Variants in MACROD2 observed in about 807,000 individuals in gnomAD.
The protein encoded by MACROD2 is ADP-ribose glycohydrolase MACROD2.
A neutral mutation model predicts 70.4 loss-of-function variants in MACROD2; 36 were observed. That is an observed-to-expected ratio of 0.51 (90% CI 0.39 to 0.68). MACROD2 has a LOEUF of 0.68. Among genes scored for constraint, MACROD2 ranks in the 30% least tolerant of loss-of-function variants. The probability of loss-of-function intolerance (pLI) is 0.00; values close to 1 mark genes in which losing one functional copy is unlikely to be tolerated. For missense variants in MACROD2, 496 were observed against 538.4 expected (o/e 0.92, Z 0.78); for synonymous variants, 172 against 178.8 (o/e 0.96, Z 0.30).
intron 8 of MACROD2, among the ~76,000 whole-genome samples, chr20:15,585,175 G>A (rs768019355): frequency 2.6e-5 from 4 of 151,666 alleles, no homozygotes; most frequent in African/African-American, 4.8e-5. Flanking sequence ...CTGTGCTGGA[G>A]GGTTCTTTTT....
At chr20:14,307,012 A>AACACACACACAC (rs3044626) in intron 3 of MACROD2, among the ~76,000 whole-genome samples, 21 of 148,308 alleles carry the variant, frequency 1.4e-4, no homozygotes, top group South Asian at 4.4e-4. Context: ...ACTAAATGTA[A>AACACACACACAC]ACACACACAC....
At position 15,416,773 on chromosome 20, in the gene MACROD2, G is replaced by A. The variant is rs1201645563; in HGVS notation, c.541-14632G>A. 2.6e-5 allele frequency among the ~76,000 whole-genome samples: 4 copies of A among 151,922 alleles called. No homozygotes were observed. In the East Asian group the frequency reaches 7.7e-4, roughly 29 times the overall value. The stretch of plus-strand genomic sequence containing the variant: ...CAAAAAATTAGCGGGGCGGTGGGGG[G>A]GCGCCGGTAGTCCCAGCTACTCGGG... On this transcript the variant is annotated intron_variant, in intron 6 of 17. Coordinates refer to ENST00000684519, the MANE Select transcript of MACROD2 (RefSeq NM_001351661.2).
intron 2 of MACROD2, among the ~76,000 whole-genome samples, chr20:14,030,706 T>A (rs2053235866): frequency 6.6e-6 from 1 of 152,120 alleles, no homozygotes; most frequent in African/African-American, 2.4e-5. Flanking sequence ...CAGAATTTTA[T>A]TTTTAATCAA....
In MACROD2 at chr20:14,065,634, C is replaced by A. The variant is rs554216734; in HGVS notation, c.164-19987C>A. Among the ~76,000 whole-genome samples the A allele has an allele frequency of 1.7e-4, 26 of 152,226 alleles. 1 individual carries two copies. The South Asian group carries it at 5.0e-3, about 29-fold the overall frequency. On this transcript the variant is annotated intron_variant, in intron 2 of 17. Transcript: ENST00000684519. ...CTCACATGCTTTACTATGTTTTAAT[C>A]CATTTAATTCTCACAACAATGCTGT...
chr20:14,125,803 A>G (rs2054641768), intron 3 of MACROD2, among the ~76,000 whole-genome samples: 1 of 152,182 alleles, frequency 6.6e-6, no homozygotes. Context: ...GGTAAAGATC[A>G]TGTTTCATTT....
chr20:15,823,057 A>G (rs1384359790), intron 8 of MACROD2, among the ~76,000 whole-genome samples: 1 of 152,258 alleles, frequency 6.6e-6, no homozygotes, highest in Non-Finnish European at 1.5e-5. Flanking sequence ...ACAGACAATC[A>G]TTCCTCTTCT....
intron 8 of MACROD2, among the ~76,000 whole-genome samples, chr20:15,608,005 G>A (rs1286316934): frequency 1.3e-5 from 2 of 152,170 alleles, no homozygotes; most frequent in African/African-American, 4.8e-5. Flanking sequence ...ACTTAGCCAT[G>A]GCTTAACCCA....
chr20:15,367,215 A>G (rs2045423281), intron 6 of MACROD2, among the ~76,000 whole-genome samples: 1 of 151,780 alleles, frequency 6.6e-6, no homozygotes, highest in Admixed American at 6.6e-5. Flanking sequence ...TTTAGTAGAG[A>G]CAGGGTTTCA....
At chr20:15,620,283 G>C (rs552392664) in intron 8 of MACROD2, among the ~76,000 whole-genome samples, 5 of 152,160 alleles carry the variant, frequency 3.3e-5, no homozygotes, top group Non-Finnish European at 7.4e-5. Context: ...TCCTGAATGT[G>C]TTTGTGTTGG....
At chr20:14,476,655 C>T (rs1169723741) in intron 3 of MACROD2, among the ~76,000 whole-genome samples, 1 of 152,302 alleles carries the variant, frequency 6.6e-6, no homozygotes, top group African/African-American at 2.4e-5. Context: ...CCATGCCCGG[C>T]GTATTACCTT....
chr20:14,757,501 C>T (rs2071956744), intron 5 of MACROD2: 1 of 570,426 alleles, frequency 1.8e-6, no homozygotes, highest in Non-Finnish European at 3.2e-6. Flanking sequence ...AAAATAGATC[C>T]CATATGTCTC....
intron 8 of MACROD2, among the ~76,000 whole-genome samples, chr20:15,843,945 C>G (rs2064201779): frequency 6.6e-6 from 1 of 151,954 alleles, no homozygotes; most frequent in African/African-American, 2.4e-5. Context: ...GAAGCATCCT[C>G]TTTCACAATC....
intron 6 of MACROD2, among the ~76,000 whole-genome samples, chr20:15,402,127 C>T (rs922014482): frequency 3.3e-5 from 5 of 152,040 alleles, no homozygotes; most frequent in African/African-American, 4.8e-5. Flanking sequence ...AGTTCAGATT[C>T]GCAGCAGTAG....
At chr20:16,029,350 G>A (rs2067121961) in intron 15 of MACROD2, among the ~76,000 whole-genome samples, 1 of 152,190 alleles carries the variant, frequency 6.6e-6, no homozygotes, top group Non-Finnish European at 1.5e-5. Flanking sequence ...CAAAGGCCAG[G>A]TGCATGTGAC....
intron 8 of MACROD2, among the ~76,000 whole-genome samples, chr20:15,666,937 T>C (rs1473752901): frequency 1.3e-5 from 2 of 152,228 alleles, no homozygotes; most frequent in African/African-American, 4.8e-5. Flanking sequence ...AATAGTGCAG[T>C]GAACAGATAT....
At chr20:14,963,762 T>G (rs1477323387) in intron 5 of MACROD2, among the ~76,000 whole-genome samples, 1 of 152,186 alleles carries the variant, frequency 6.6e-6, no homozygotes, top group Non-Finnish European at 1.5e-5. Context: ...TTCATGTAGA[T>G]TCATAATGAT....
chr20:14,965,879 T>C (rs748361202), intron 5 of MACROD2, among the ~76,000 whole-genome samples: 2 of 152,174 alleles, frequency 1.3e-5, no homozygotes, highest in Non-Finnish European at 2.9e-5. Flanking sequence ...ACTGGAAGCA[T>C]GGCTACTGCT....
At chr20:15,067,432 C>T (rs932468602) in intron 5 of MACROD2, among the ~76,000 whole-genome samples, 15 of 152,250 alleles carry the variant, frequency 9.9e-5, no homozygotes, top group African/African-American at 3.6e-4. Context: ...TCACTGCAAC[C>T]TTTGTCTCCC....
chr20:15,094,017 T>A (rs1426029561), intron 5 of MACROD2, among the ~76,000 whole-genome samples: 1 of 152,218 alleles, frequency 6.6e-6, no homozygotes, highest in Non-Finnish European at 1.5e-5. Flanking sequence ...TCAAACATGG[T>A]TGTCTGGTCC....
Sources: gnomAD v4.1 joint callset for allele counts (sites outside exome capture counted in the v4.1 genomes callset) on GRCh38, gnomAD v4.1.1 for gene constraint, MANE v1.5 for transcripts, NCBI Gene and HGNC (gene_info 2026-07-23, HGNC 2026-07-21) for gene names.